F3: variants seen among roughly 807,000 people sequenced by gnomAD.
F3 encodes the protein tissue factor.
A neutral mutation model predicts 33.5 loss-of-function variants in F3; 18 were observed. That is an observed-to-expected ratio of 0.54 (90% confidence interval 0.37 to 0.80). The LOEUF (loss-of-function observed/expected upper bound fraction) is 0.80. Ranked by LOEUF, F3 falls within the 30% of genes least tolerant of loss-of-function variation. The pLI is 0.00. For synonymous variants in F3, 147 were observed against 140.7 expected (o/e 1.05, Z -0.32); for missense variants, 353 against 362.1 (o/e 0.97, Z 0.20).
At chr1:94,540,123 T>C in intron 2 of F3, 134 bp downstream of exon 2, 2 of 680,866 alleles carry the variant, frequency 2.9e-6, no homozygotes, top group Non-Finnish European at 2.6e-6. Flanking sequence ...GGCCAGCGAA[T>C]TGCCAAGAAT....
chr1:94,541,381 A>T (rs1192310749), intron 1 of F3, among the ~76,000 whole-genome samples, 156 bp downstream of exon 1: 1 of 152,100 alleles, frequency 6.6e-6, no homozygotes, highest in Non-Finnish European at 1.5e-5. Context: ...GACTCGGTTC[A>T]TTCAAGCCGG....
chr1:94,531,180 G>A (rs942944317), intron 5 of F3, among the ~76,000 whole-genome samples: 7 of 152,154 alleles, frequency 4.6e-5, no homozygotes, highest in Non-Finnish European at 8.8e-5. Flanking sequence ...AGGACCAGAG[G>A]TAAAGAGAAA....
At chr1:94,538,989 T>C (rs1396522870) in intron 2 of F3, among the ~76,000 whole-genome samples, 3 of 152,164 alleles carry the variant, frequency 2.0e-5, no homozygotes, top group Non-Finnish European at 4.4e-5. Flanking sequence ...AAGGCTTATG[T>C]TTAAAAAGCA....
chr1:94,541,376 G>C (rs1048221480), intron 1 of F3, among the ~76,000 whole-genome samples, 161 bp downstream of exon 1: 9 of 152,208 alleles, frequency 5.9e-5, no homozygotes, highest in African/African-American at 2.2e-4. Flanking sequence ...CGACGGACTC[G>C]GTTCATTCAA....
chr1:94,536,498 T>G (rs1651613760), intron 2 of F3, among the ~76,000 whole-genome samples: 1 of 152,176 alleles, frequency 6.6e-6, no homozygotes, highest in Non-Finnish European at 1.5e-5. Flanking sequence ...TAATTTGCCT[T>G]GTTTTTACAA....
Position 94,541,586 on chromosome 1 carries a change from A to C in F3, c.51T>G (p.Ala17=). Residue 17 remains alanine (A), a synonymous_variant, in exon 1 of 6, where the codon GCT becomes GCG. Transcript: ENST00000334047. Reference sequence around the variant, plus strand: ...AGACCCAGCCGAGCAGGAGCGTCCGAGCGACGGCGGTCTCGGGGCGCGGGA... The same window carrying C: ...AGACCCAGCCGAGCAGGAGCGTCCGCGCGACGGCGGTCTCGGGGCGCGGGA... ...PRVPRPETAV[A]RTLLLGWVFA... The C allele has an allele frequency of 1.4e-6, 2 of 1,479,984 alleles. No homozygotes were observed. The highest frequency in any genetic ancestry group is 3.9e-4 in the Middle Eastern group (2 of 5,142). 91.7% of individuals were successfully genotyped at this position (1,479,984 alleles called of 1,614,324 possible).
chr1:94,531,601 G>C (rs922812935), intron 5 of F3, among the ~76,000 whole-genome samples: 4 of 152,014 alleles, frequency 2.6e-5, no homozygotes, highest in African/African-American at 9.7e-5. Context: ...CACACCCAGC[G>C]TAAGCCATCG....
chr1:94,541,607 C>T lies in F3; in HGVS notation c.30G>A (p.Pro10=), dbSNP rs1427815942. Residue 10 remains proline, a synonymous_variant, in exon 1 of 6, where the codon CCG becomes CCA. Coordinates refer to ENST00000334047, the MANE Select transcript of F3 (RefSeq NM_001993.5). METPAWPRV[P]RPETAVARTL... is the part of the protein sequence containing the mutation. ...TCCGAGCGACGGCGGTCTCGGGGCGCGGGACCCGGGGCCAGGCAGGGGTCT... is the reference window on the plus strand; with the variant it reads ...TCCGAGCGACGGCGGTCTCGGGGCGTGGGACCCGGGGCCAGGCAGGGGTCT... 2.1e-6 allele frequency: 3 copies of T among 1,458,396 alleles called. No individual in the cohort carries two copies. The African/African-American group carries it at 4.4e-5, about 21-fold the overall frequency. 90.3% of individuals were successfully genotyped at this position (1,458,396 alleles called of 1,614,324 possible). A position where few individuals can be genotyped will look rare whatever the true frequency, so the allele number is the denominator to read the frequency against.
Position 94,530,278 on chromosome 1 carries a change from T to C in F3, c.*182A>G. 1 of 641,428 alleles carries C rather than the reference T, an allele frequency of 1.6e-6. No individual in the cohort carries two copies. The highest frequency in any genetic ancestry group is 2.6e-6 in the Non-Finnish European group (1 of 387,898). 39.7% of individuals were successfully genotyped at this position (641,428 alleles called of 1,614,324 possible). On this transcript the variant is annotated 3_prime_UTR_variant, in exon 6 of 6. Transcript: ENST00000334047. Reference sequence around the variant, plus strand: ...TAGTACCATTCGTTACATTTCAAAGTGACTAATGCTGATGTCAAAACCAGA... The same window carrying C: ...TAGTACCATTCGTTACATTTCAAAGCGACTAATGCTGATGTCAAAACCAGA...
chr1:94,533,779 C>CA (rs1651506662), intron 3 of F3, among the ~76,000 whole-genome samples: 1 of 152,198 alleles, frequency 6.6e-6, no homozygotes, highest in Non-Finnish European at 1.5e-5. Flanking sequence ...GATCCACTTC[C>CA]ACTTTATCAA....
intron 2 of F3, among the ~76,000 whole-genome samples, chr1:94,536,446 A>T (rs562049458): frequency 9.9e-5 from 15 of 152,256 alleles, no homozygotes; most frequent in African/African-American, 3.6e-4. Flanking sequence ...AGCACTTGGG[A>T]TGCATGTTTG....
intron 2 of F3, among the ~76,000 whole-genome samples, chr1:94,539,636 C>T (rs1043199533): frequency 1.3e-5 from 2 of 152,154 alleles, no homozygotes; most frequent in Non-Finnish European, 2.9e-5. Context: ...ATTATCGCCT[C>T]CTGGGGACAG....
rs1176246797 is a variant in F3, at chr1:94,529,508, T to G, written c.*952A>C. ...AACTCTGTAGTTTGTATAGTAGTCT[T>G]ATAAAAATATAGTTAGCTCTCAAAT... On this transcript the variant is annotated 3_prime_UTR_variant, in exon 6 of 6. Transcript: ENST00000334047. 2 of 152,602 alleles carry G rather than the reference T, an allele frequency of 1.3e-5. No individual in the cohort carries two copies. Among genetic ancestry groups the G allele is most frequent in the Non-Finnish European group, 2.9e-5 (2 of 68,034 alleles). 9.5% of individuals were successfully genotyped at this position (152,602 alleles called of 1,614,324 possible).
At position 94,532,373 on chromosome 1, in the gene F3, C is replaced by A; in HGVS notation, c.699G>T (p.Lys233Asn). ...TACACTCTACCGGGCTGTCTGTACTCTTCCGGTTAACTGTTCGGGAGGGAA... is the reference window on the plus strand; with the variant it reads ...TACACTCTACCGGGCTGTCTGTACTATTCCGGTTAACTGTTCGGGAGGGAA... ...AVIPSRTVNR[K>N]STDSPVECMG... Residue 233 changes from lysine (K) to asparagine (N), a missense_variant, in exon 5 of 6, where the codon AAG (lysine) becomes AAT (asparagine). Physicochemically the swap from Lys to Asn is moderately conservative, Grantham distance 94. Coordinates refer to ENST00000334047, the MANE Select transcript of F3 (RefSeq NM_001993.5). 6.2e-7 allele frequency: 1 copy of A among 1,614,218 alleles called. No individual in the cohort carries two copies. The highest frequency in any genetic ancestry group is 8.5e-7 in the Non-Finnish European group (1 of 1,180,044).
rs1320309384 is a variant in F3, at chr1:94,530,498, G to T, written c.850C>A (p.Gln284Lys). The change falls in exon 6 of 6, where the codon CAG (glutamine) becomes AAG (lysine). Residue 284 changes from glutamine (Q) to lysine (K), a missense_variant. Physicochemically the swap from Gln to Lys is moderately conservative, Grantham distance 53. Transcript: ENST00000334047. Reference protein sequence around the residue: ...LHKCRKAGVGQSWKENSPLNV... With the variant: ...LHKCRKAGVGKSWKENSPLNV... ...AGTGGGGAGTTCTCCTTCCAGCTCT[G>T]CCCCACTCCTGCCTTTCTACACTTG... The T allele has an allele frequency of 6.2e-7, 1 of 1,613,910 alleles. No individual in the cohort carries two copies.
chr1:94,530,071 C>G lies in F3; in HGVS notation c.*389G>C. 2.0e-5 allele frequency: 1 copy of G among 49,864 alleles called. No individual in the cohort carries two copies. The highest frequency in any genetic ancestry group is 2.0e-4 in the Admixed American group (1 of 5,110). The allele number at this position is 49,864 out of a possible 1,614,324, so 3.1% of individuals were successfully genotyped here. A position where few individuals can be genotyped will look rare whatever the true frequency, so the allele number is the denominator to read the frequency against. ...CCTGGGCAACAGAGCAAGACTCCGT[C>G]TCAAAAAAAAAAAAAAAAAAAAAAA... On this transcript the variant is annotated 3_prime_UTR_variant, in exon 6 of 6. Transcript: ENST00000334047.
chr1:94,537,800 A>C (rs1439486049), intron 2 of F3, among the ~76,000 whole-genome samples: 2 of 152,230 alleles, frequency 1.3e-5, no homozygotes, highest in Non-Finnish European at 2.9e-5. Flanking sequence ...ATAAAAGTAG[A>C]GAGGGTATTT....
rs698946 is a variant in F3 at position 94,536,044 on chromosome 1, C to A, written c.333G>T (p.Pro111=). 4,456 of 1,614,086 alleles carry A rather than the reference C, an allele frequency of 2.8e-3. 124 individuals carry two copies. The African/African-American group carries it at 0.053, about 19-fold the overall frequency. Residue 111 remains proline, a synonymous_variant, in exon 3 of 6, where the codon CCG becomes CCT. Transcript: ENST00000334047. Reference sequence around the variant, plus strand: ...AACCGGTGCTCTCCACATTCCCTGCCGGGTAGGAGAAGACCCGTGCCAAGT... The same window carrying A: ...AACCGGTGCTCTCCACATTCCCTGCAGGGTAGGAGAAGACCCGTGCCAAGT... ...QTYLARVFSY[P]AGNVESTGSA...
Sources: allele counts gnomAD v4.1 joint callset (sites outside exome capture counted in the v4.1 genomes callset), GRCh38; gene constraint gnomAD v4.1.1; transcripts MANE v1.5; gene names NCBI Gene and HGNC (gene_info 2026-07-23, HGNC 2026-07-21).